PRKN: variants seen among roughly 807,000 people sequenced by gnomAD.
PRKN encodes parkin RBR E3 ubiquitin protein ligase, also known as E3 ubiquitin-protein ligase parkin.
In PRKN, 56 loss-of-function variants were observed where a neutral mutation model predicts 59.5. That is an observed-to-expected ratio of 0.94 (90% CI 0.76 to 1.18). PRKN has a LOEUF of 1.18. Ranked by LOEUF, PRKN falls within the 50% of genes most tolerant of loss-of-function variation. The pLI, the probability that PRKN is intolerant of heterozygous loss-of-function variation, is 0.00. For missense variants in PRKN, 657 were observed against 596.4 expected (o/e 1.10, Z -1.06); for synonymous variants, 250 against 222.1 (o/e 1.13, Z -1.12).
intron 4 of PRKN, among the ~76,000 whole-genome samples, chr6:162,154,285 G>A (rs1298052379): frequency 1.3e-5 from 2 of 152,100 alleles, no homozygotes; most frequent in Admixed American, 6.5e-5. Context: ...AGATTACAGG[G>A]GAGTGCTCAG....
intron 1 of PRKN, among the ~76,000 whole-genome samples, chr6:162,689,742 T>C (rs1777701617): frequency 6.6e-6 from 1 of 152,176 alleles, no homozygotes; most frequent in Admixed American, 6.5e-5. Flanking sequence ...AACACAGGTA[T>C]TCCAAAAAAT....
intron 5 of PRKN, among the ~76,000 whole-genome samples, chr6:161,991,485 T>G (rs1321802757): frequency 6.6e-6 from 1 of 152,192 alleles, no homozygotes; most frequent in Non-Finnish European, 1.5e-5. Flanking sequence ...TAATAATAAC[T>G]TCAAATGTAA....
At chr6:162,658,539 T>C (rs1161802932) in intron 1 of PRKN, among the ~76,000 whole-genome samples, 1 of 151,572 alleles carries the variant, frequency 6.6e-6, no homozygotes, top group African/African-American at 2.4e-5. Context: ...CGGGTGACTG[T>C]AATCCCAGCT....
intron 2 of PRKN, among the ~76,000 whole-genome samples, chr6:162,315,014 G>A (rs761370743): frequency 6.6e-6 from 1 of 152,138 alleles, no homozygotes; most frequent in Non-Finnish European, 1.5e-5. Flanking sequence ...TTCAAAATTA[G>A]TATTTTGGTG....
At chr6:162,704,676 A>T (rs564956319) in intron 1 of PRKN, among the ~76,000 whole-genome samples, 1 of 152,172 alleles carries the variant, frequency 6.6e-6, no homozygotes, top group Non-Finnish European at 1.5e-5. Context: ...ATGTGTTCTA[A>T]ATTAAAAAAC....
At chr6:162,515,977 G>A (rs1777836824) in intron 1 of PRKN, among the ~76,000 whole-genome samples, 1 of 152,176 alleles carries the variant, frequency 6.6e-6, no homozygotes. Context: ...CAGCTGTTTG[G>A]TACCACTTGT....
intron 6 of PRKN, among the ~76,000 whole-genome samples, chr6:161,833,957 C>T (rs1260776882): frequency 6.6e-6 from 1 of 152,098 alleles, no homozygotes; most frequent in Non-Finnish European, 1.5e-5. Flanking sequence ...GAAGCTATGT[C>T]TCAGAATCTA....
At chr6:161,494,104 A>G (rs1286549357) in intron 9 of PRKN, among the ~76,000 whole-genome samples, 1 of 152,246 alleles carries the variant, frequency 6.6e-6, no homozygotes, top group African/African-American at 2.4e-5. Context: ...GACACAGCCT[A>G]TACTTAGTTT....
At chr6:162,351,750 T>C (rs1784635578) in intron 2 of PRKN, among the ~76,000 whole-genome samples, 1 of 152,168 alleles carries the variant, frequency 6.6e-6, no homozygotes, top group South Asian at 2.1e-4. Context: ...AAATACACTG[T>C]AACATAGATG....
chr6:162,501,067 T>C (rs1793343156), intron 1 of PRKN, among the ~76,000 whole-genome samples: 1 of 151,908 alleles, frequency 6.6e-6, no homozygotes. Flanking sequence ...CTCAGGGAGG[T>C]TGTGGCGAGA....
At chr6:161,986,332 C>T (rs540416149) in intron 5 of PRKN, among the ~76,000 whole-genome samples, 10 of 152,160 alleles carry the variant, frequency 6.6e-5, no homozygotes, top group Admixed American at 1.3e-4. Context: ...AAGTGGTTTT[C>T]CTCTACTGTC....
intron 10 of PRKN, among the ~76,000 whole-genome samples, chr6:161,381,948 C>T (rs1582998619): frequency 6.6e-6 from 1 of 151,476 alleles, no homozygotes; most frequent in African/African-American, 2.4e-5. Context: ...CCGTCTCTAC[C>T]AAAAATACAA....
At chr6:162,258,578 T>TTTACTA (rs1779753711) in intron 3 of PRKN, among the ~76,000 whole-genome samples, 1 of 152,192 alleles carries the variant, frequency 6.6e-6, no homozygotes, top group Non-Finnish European at 1.5e-5. Flanking sequence ...AATACTATTT[T>TTTACTA]TTACTATTTC....
At chr6:161,865,462 T>C (rs934422718) in intron 6 of PRKN, among the ~76,000 whole-genome samples, 1 of 152,214 alleles carries the variant, frequency 6.6e-6, no homozygotes. Flanking sequence ...ATGAAAGTCC[T>C]AGATGGCATC....
At chr6:161,692,512 C>T (rs183674415) in intron 7 of PRKN, among the ~76,000 whole-genome samples, 6 of 152,208 alleles carry the variant, frequency 3.9e-5, no homozygotes, top group African/African-American at 1.2e-4. Context: ...TTCTGCTCTT[C>T]GTGGGGATCT....
chr6:161,391,901 G>A lies in PRKN; in HGVS notation c.1084-5024C>T, dbSNP rs1330225521. 1.3e-5 allele frequency among the ~76,000 whole-genome samples: 2 copies of A among 151,888 alleles called. No homozygotes were observed. The highest frequency in any genetic ancestry group is 6.6e-5 in the Admixed American group (1 of 15,262). On this transcript the variant is annotated intron_variant, in intron 9 of 11. Transcript: ENST00000366898. The surrounding 1 kb of genome is among the most constrained non-coding windows in gnomAD (Gnocchi z 4.9). ...GAGGTGCCTACCCAGCCCTGAAACC[G>A]TGTAAGCCACTTCCTTCCAGTAAAT...
At chr6:162,423,016 G>T (rs1789058848) in intron 2 of PRKN, among the ~76,000 whole-genome samples, 1 of 147,330 alleles carries the variant, frequency 6.8e-6, no homozygotes, top group Non-Finnish European at 1.5e-5. Flanking sequence ...TATTCTTCTA[G>T]TCGCTTTCTG....
intron 1 of PRKN, among the ~76,000 whole-genome samples, chr6:162,697,792 A>G (rs1438263778): frequency 2.0e-5 from 3 of 152,346 alleles, no homozygotes; most frequent in African/African-American, 2.4e-5. Flanking sequence ...CATTTTTTAG[A>G]GCAGGAGTAT....
rs1037054064 is a variant in PRKN at position 161,352,531 on chromosome 6, TATC to T, written c.1286-2323_1286-2321del. On this transcript the variant is annotated intron_variant, in intron 11 of 11. Transcript: ENST00000366898. The surrounding 1 kb of genome is among the most constrained non-coding windows in gnomAD (Gnocchi z 5.8). ...TATAAAACCACTTGTTTCTCTAAAA[TATC>T]ATAAATATTTTATCATATCATAAAT... is the stretch of plus-strand genomic sequence containing the variant. Among the ~76,000 whole-genome samples, 7 of 151,800 alleles carry T rather than the reference TATC, an allele frequency of 4.6e-5. No homozygotes were observed. The highest frequency in any genetic ancestry group is 1.0e-4 in the Non-Finnish European group (7 of 67,928).
Sources: gnomAD v4.1 joint callset for allele counts (sites outside exome capture counted in the v4.1 genomes callset) on GRCh38, gnomAD v4.1.1 for gene constraint, Gnocchi (gnomAD v3.1) non-coding constraint, MANE v1.5 for transcripts, NCBI Gene and HGNC (gene_info 2026-07-23, HGNC 2026-07-21) for gene names.